Variants in C8A observed in about 807,000 individuals in gnomAD.
C8A encodes the protein complement C8 alpha chain, also known as complement component C8 alpha chain.
C8A carries 67 observed loss-of-function variants against 65.3 expected under a neutral mutation model. The ratio of observed to expected loss-of-function variants is 1.03; its 90% CI spans 0.84 to 1.26. The LOEUF (loss-of-function observed/expected upper bound fraction) is 1.26. Among genes scored for constraint, C8A ranks in the 50% most tolerant of loss-of-function variants. The pLI, the probability that C8A is intolerant of heterozygous loss-of-function variation, is 0.00. For synonymous variants in C8A, 290 were observed against 259.4 expected (o/e 1.12, Z -1.13); for missense variants, 781 against 723.9 (o/e 1.08, Z -0.90).
chr1:56,907,240 T>C (rs183721549), intron 8 of C8A, among the ~76,000 whole-genome samples: 1 of 152,308 alleles, frequency 6.6e-6, no homozygotes, highest in Admixed American at 6.5e-5. Flanking sequence ...AGTTGGGGTG[T>C]TCATGTGTTC....
At position 56,881,549 on chromosome 1, in the gene C8A, A is replaced by G; in HGVS notation, c.569A>G (p.Tyr190Cys). The change falls in exon 5 of 11, where the codon TAT becomes TGT. Residue 190 changes from tyrosine to cysteine, a missense_variant. Tyr to Cys is a radical substitution (Grantham distance 194). Transcript: ENST00000361249. Reference protein sequence around the residue: ...VYNGEWRELRYDSTCERLYYG... With the variant: ...VYNGEWRELRCDSTCERLYYG... ...AATGGGGAATGGAGGGAGCTTCGAT[A>G]TGACTCCACCTGTGAACGTCTCTAC... 6.2e-7 allele frequency: 1 copy of G among 1,613,798 alleles called. No individual in the cohort carries two copies. The highest frequency in any genetic ancestry group is 8.5e-7 in the Non-Finnish European group (1 of 1,179,748).
At chr1:56,903,118 C>G (rs563899068) in intron 7 of C8A, among the ~76,000 whole-genome samples, 1 of 152,172 alleles carries the variant, frequency 6.6e-6, no homozygotes, top group South Asian at 2.1e-4. Flanking sequence ...TAAAGTTTTC[C>G]CAGTTCAGTC....
chr1:56,896,054 T>C (rs1407576975), intron 7 of C8A, among the ~76,000 whole-genome samples: 1 of 152,144 alleles, frequency 6.6e-6, no homozygotes, highest in Non-Finnish European at 1.5e-5. Context: ...AACACAGTCT[T>C]AACTCAGTGT....
At chr1:56,869,029 T>C (rs1272464368) in intron 2 of C8A, among the ~76,000 whole-genome samples, 1 of 152,188 alleles carries the variant, frequency 6.6e-6, no homozygotes, top group Non-Finnish European at 1.5e-5. Context: ...TATTTTTTCA[T>C]TTTTATTTCA....
At position 56,917,848 on chromosome 1, in the gene C8A, G is replaced by A. The variant is rs1008993043; in HGVS notation, c.*132G>A. On this transcript the variant is annotated 3_prime_UTR_variant, in exon 11 of 11. Coordinates refer to ENST00000361249, the MANE Select transcript of C8A (RefSeq NM_000562.3). ...TTTTCTTTGTTCTGCCAGCTTCCAG[G>A]CCTAAGACTAGGTTTTGCTGTCTAC... 4 of 1,121,408 alleles carry A rather than the reference G, an allele frequency of 3.6e-6. No individual in the cohort carries two copies. Among genetic ancestry groups the A allele is most frequent in the Non-Finnish European group, 5.2e-6 (4 of 771,022 alleles). The allele number at this position is 1,121,408 out of a possible 1,614,324, so 69.5% of individuals were successfully genotyped here.
Position 56,859,791 on chromosome 1 carries a change from G to T in C8A, c.77+4813G>T, listed in dbSNP as rs184118325. Reference sequence around the variant, plus strand: ...AATTATCTTAAAAATTGTGGGTGCGGTGGCTCACACCTGTAATCCTAGCAC... The same window carrying T: ...AATTATCTTAAAAATTGTGGGTGCGTTGGCTCACACCTGTAATCCTAGCAC... On this transcript the variant is annotated intron_variant, in intron 1 of 10. Transcript: ENST00000361249. Among the ~76,000 whole-genome samples the T allele has an allele frequency of 2.0e-3, 304 of 152,286 alleles. 1 individual carries two copies. Among genetic ancestry groups the T allele is most frequent in the African/African-American group, 7.1e-3 (296 of 41,540 alleles).
rs752167772 is a variant in C8A at position 56,917,581 on chromosome 1, G to T, written c.1620G>T (p.Gly540=). 5.6e-6 allele frequency: 9 copies of T among 1,614,044 alleles called. No individual in the cohort carries two copies. In the East Asian group the frequency reaches 1.8e-4, roughly 32 times the overall value. Residue 540 remains glycine (G), a synonymous_variant, in exon 11 of 11, where the codon GGG becomes GGT. Coordinates refer to ENST00000361249, the MANE Select transcript of C8A (RefSeq NM_000562.3). ...QTQTEGAKAD[G]SWSCWSSWSV... ...CCTCTGCAGGAGCCAAAGCAGATGG[G>T]AGCTGGAGTTGCTGGAGCTCCTGGT... is the stretch of plus-strand genomic sequence containing the variant.
rs979095776 is a variant in C8A at position 56,918,015 on chromosome 1, T to A, written c.*299T>A. 1.0e-5 allele frequency: 3 copies of A among 298,312 alleles called. No individual in the cohort carries two copies. The highest frequency in any genetic ancestry group is 6.5e-5 in the African/African-American group (3 of 45,860). 18.5% of individuals were successfully genotyped at this position (298,312 alleles called of 1,614,324 possible). ...AAAATAGAAAACTGAGAAAACTCAATCCATGACCAGGGAGAACTTACAGGA... is the reference window on the plus strand; with the variant it reads ...AAAATAGAAAACTGAGAAAACTCAAACCATGACCAGGGAGAACTTACAGGA... On this transcript the variant is annotated 3_prime_UTR_variant, in exon 11 of 11. Coordinates refer to ENST00000361249, the MANE Select transcript of C8A (RefSeq NM_000562.3).
rs181566676 is a variant in C8A, at chr1:56,888,945, C to T, written c.1096+2778C>T. ...GGGGTCAGAGCCCTGGACCTCTAGT[C>T]TTCCACCATGTGGTTGTGGTATAGC... On this transcript the variant is annotated intron_variant, in intron 7 of 10. Coordinates refer to ENST00000361249, the MANE Select transcript of C8A (RefSeq NM_000562.3). Among the ~76,000 whole-genome samples, 3 of 152,240 alleles carry T rather than the reference C, an allele frequency of 2.0e-5. No homozygotes were observed. In the East Asian group the frequency reaches 5.8e-4, roughly 29 times the overall value.
At chr1:56,861,490 C>G (rs1644033047) in intron 1 of C8A, among the ~76,000 whole-genome samples, 1 of 152,126 alleles carries the variant, frequency 6.6e-6, no homozygotes, top group South Asian at 2.1e-4. Flanking sequence ...CAGCACTAAG[C>G]CTTTCCTGAG....
chr1:56,867,804 G>A (rs1176066701), intron 2 of C8A, 102 bp downstream of exon 2: 9 of 835,418 alleles, frequency 1.1e-5, no homozygotes, highest in Admixed American at 1.9e-5. Context: ...GGCCTGGGGA[G>A]AAATTGGGTC....
intron 7 of C8A, among the ~76,000 whole-genome samples, chr1:56,895,538 A>T (rs970299258): frequency 2.0e-5 from 3 of 152,170 alleles, no homozygotes; most frequent in African/African-American, 7.2e-5. Flanking sequence ...ACCATAACCC[A>T]TTAGTAGATT....
rs761220068 is a variant in C8A at position 56,912,413 on chromosome 1, T to A, written c.1391T>A (p.Ile464Asn). The change falls in exon 10 of 11, where the codon ATC (isoleucine) becomes AAC (asparagine). Residue 464 changes from isoleucine (I) to asparagine (N), a missense_variant. Ile to Asn is a moderately radical substitution (Grantham distance 149, BLOSUM62 -3). Coordinates refer to ENST00000361249, the MANE Select transcript of C8A (RefSeq NM_000562.3). ...TTTCTGTGCCCACAGATGCAGCCTA[T>A]CCACGAGGTGCTGCGGCACACAAGC... ...PVVIDFEMQP[I>N]HEVLRHTSLG... The A allele has an allele frequency of 3.7e-6, 6 of 1,614,148 alleles. No individual in the cohort carries two copies. Among genetic ancestry groups the A allele is most frequent in the Non-Finnish European group, 4.2e-6 (5 of 1,180,002 alleles).
intron 1 of C8A, among the ~76,000 whole-genome samples, chr1:56,859,987 T>TGGGAGCCGGAGGCTGCA (rs1644016055): frequency 6.6e-6 from 1 of 152,162 alleles, no homozygotes; most frequent in African/African-American, 2.4e-5. Context: ...TGCTTGAACC[T>TGGGAGCCGGAGGCTGCA]GGGAGCCGGA....
At chr1:56,898,807 A>G (rs966920862) in intron 7 of C8A, among the ~76,000 whole-genome samples, 16 of 152,042 alleles carry the variant, frequency 1.1e-4, no homozygotes, top group Non-Finnish European at 2.1e-4. Context: ...ATCTGAGCCC[A>G]TGTATGCTGG....
At position 56,860,779 on chromosome 1, in the gene C8A, C is replaced by T. The variant is rs536404899; in HGVS notation, c.77+5801C>T. 4.6e-5 allele frequency among the ~76,000 whole-genome samples: 7 copies of T among 152,114 alleles called. No homozygotes were observed. In the East Asian group the frequency reaches 7.7e-4, roughly 17 times the overall value. On this transcript the variant is annotated intron_variant, in intron 1 of 10. Transcript: ENST00000361249. ...CACAGATGGTGTATGAAGCCAAGGACGTGGATCTTACCTTCTTAAGGGTGA... is the reference window on the plus strand; with the variant it reads ...CACAGATGGTGTATGAAGCCAAGGATGTGGATCTTACCTTCTTAAGGGTGA...
intron 6 of C8A, among the ~76,000 whole-genome samples, chr1:56,883,941 T>C (rs10489624): frequency 0.33 from 49,285 of 151,610 alleles, 8,640 homozygotes; most frequent in South Asian, 0.5. Context: ...TATGGTTACC[T>C]GGAGCATATA....
chr1:56,914,828 C>T lies in C8A; in HGVS notation c.1603+2203C>T, dbSNP rs1644538499. Among the ~76,000 whole-genome samples, 3 of 152,160 alleles carry T rather than the reference C, an allele frequency of 2.0e-5. No individual in the cohort carries two copies. The South Asian group carries it at 6.2e-4, about 32-fold the overall frequency. ...GAGTAGCTGGGACTACAGGCATGCA[C>T]CACCATGCCTGGCTAATTTTTGTAT... On this transcript the variant is annotated intron_variant, in intron 10 of 10. Transcript: ENST00000361249.
chr1:56,878,597 CA>C (rs1410473806), intron 4 of C8A, among the ~76,000 whole-genome samples: 1 of 152,138 alleles, frequency 6.6e-6, no homozygotes, highest in Non-Finnish European at 1.5e-5. Context: ...TCTCAGATCT[CA>C]AAGGCCTTCC....
Sources: gnomAD v4.1 joint callset for allele counts (sites outside exome capture counted in the v4.1 genomes callset) on GRCh38, gnomAD v4.1.1 for gene constraint, MANE v1.5 for transcripts, NCBI Gene and HGNC (gene_info 2026-07-23, HGNC 2026-07-21) for gene names.